Variants in MOXD1 observed in about 807,000 individuals in gnomAD.
The protein encoded by MOXD1 is monooxygenase DBH like 1.
A neutral mutation model predicts 66.6 loss-of-function variants in MOXD1; 62 were observed. That is an observed-to-expected ratio of 0.93 (90% confidence interval 0.76 to 1.15). The LOEUF (loss-of-function observed/expected upper bound fraction) is 1.15, where lower values mean the gene tolerates loss of function less well. Ranked by LOEUF, MOXD1 falls within the 50% of genes most tolerant of loss-of-function variation. The pLI, the probability that MOXD1 is intolerant of heterozygous loss-of-function variation, is 0.00. For synonymous variants in MOXD1, 303 were observed against 281.9 expected (o/e 1.07, Z -0.75); for missense variants, 847 against 754.6 (o/e 1.12, Z -1.44).
Position 132,328,508 on chromosome 6 carries a change from A to T in MOXD1, c.750T>A (p.Val250=). 1.2e-6 allele frequency: 2 copies of T among 1,614,150 alleles called. No individual in the cohort carries two copies. Among genetic ancestry groups the T allele is most frequent in the Non-Finnish European group, 1.7e-6 (2 of 1,180,020 alleles). ...YQCSNNFNDS[V]LESGHECYHP... is the part of the protein sequence containing the mutation. ...GATAGCACTCGTGGCCGGACTCCAGAACGCTGTCGTTAAAGTTGTTGCTGC... is the reference window on the plus strand; with the variant it reads ...GATAGCACTCGTGGCCGGACTCCAGTACGCTGTCGTTAAAGTTGTTGCTGC... The change falls in exon 5 of 12, where the codon GTT becomes GTA. Residue 250 remains valine (V), a synonymous_variant. Coordinates refer to ENST00000367963, the MANE Select transcript of MOXD1 (RefSeq NM_015529.4).
intron 4 of MOXD1, among the ~76,000 whole-genome samples, chr6:132,339,888 G>C (rs1317583936): frequency 1.0e-5 from 1 of 95,382 alleles, no homozygotes; most frequent in Non-Finnish European, 2.0e-5. Context: ...TTTTTTTTCT[G>C]TGATGGAGTC....
intron 4 of MOXD1, among the ~76,000 whole-genome samples, chr6:132,353,181 C>T (rs1182711458): frequency 6.6e-6 from 1 of 152,068 alleles, no homozygotes; most frequent in Non-Finnish European, 1.5e-5. Context: ...ATTCATTGTG[C>T]TATTTGTTGC....
intron 4 of MOXD1, among the ~76,000 whole-genome samples, chr6:132,360,180 A>G (rs566239042): frequency 5.3e-5 from 8 of 152,328 alleles, no homozygotes; most frequent in African/African-American, 1.7e-4. Flanking sequence ...TTTTTAGTCA[A>G]TGAATGCTGT....
intron 1 of MOXD1, among the ~76,000 whole-genome samples, chr6:132,396,820 C>T (rs1776891663): frequency 6.6e-6 from 1 of 152,138 alleles, no homozygotes; most frequent in African/African-American, 2.4e-5. Flanking sequence ...AAGACTGAAT[C>T]AAGAAGAACT....
intron 1 of MOXD1, among the ~76,000 whole-genome samples, chr6:132,397,700 A>G (rs9388992): frequency 3.2e-4 from 47 of 148,608 alleles, no homozygotes; most frequent in Non-Finnish European, 5.1e-4. Context: ...GAAAGAAAGA[A>G]AAAGAAAGAG....
At chr6:132,359,135 T>TTC (rs1554235305) in intron 4 of MOXD1, among the ~76,000 whole-genome samples, 87 of 151,096 alleles carry the variant, frequency 5.8e-4, no homozygotes, top group South Asian at 3.6e-3. Flanking sequence ...TTTTTTTTTT[T>TTC]CTGAGGCAGG....
intron 6 of MOXD1, among the ~76,000 whole-genome samples, 157 bp from the exon 7 acceptor site, chr6:132,324,254 G>A (rs558398073): frequency 2.6e-5 from 4 of 152,098 alleles, no homozygotes; most frequent in Admixed American, 6.6e-5. Flanking sequence ...GATTCAAGCA[G>A]AGATTAGTGG....
At chr6:132,363,877 A>G (rs1776064458) in intron 4 of MOXD1, among the ~76,000 whole-genome samples, 1 of 152,014 alleles carries the variant, frequency 6.6e-6, no homozygotes, top group East Asian at 1.9e-4. Context: ...TTCAACATAA[A>G]TATCTTAGTA....
intron 4 of MOXD1, among the ~76,000 whole-genome samples, chr6:132,347,219 C>A (rs111906799): frequency 6.6e-6 from 1 of 152,076 alleles, no homozygotes; most frequent in Non-Finnish European, 1.5e-5. Context: ...TAGATTTGCA[C>A]CCTGGTCCAA....
intron 1 of MOXD1, among the ~76,000 whole-genome samples, chr6:132,380,969 A>G (rs1277127080): frequency 6.6e-6 from 1 of 152,224 alleles, no homozygotes; most frequent in Non-Finnish European, 1.5e-5. Context: ...AAGGGTTTAT[A>G]CATGCAACAA....
intron 2 of MOXD1, among the ~76,000 whole-genome samples, 199 bp from the exon 3 acceptor site, chr6:132,373,196 T>G (rs1459289217): frequency 2.0e-5 from 3 of 152,204 alleles, no homozygotes; most frequent in South Asian, 2.1e-4. Flanking sequence ...TATGAGTTAC[T>G]TTTTGGAAGG....
At chr6:132,298,211 G>C (rs1774453874) in intron 10 of MOXD1, among the ~76,000 whole-genome samples, 1 of 151,818 alleles carries the variant, frequency 6.6e-6, no homozygotes, top group Non-Finnish European at 1.5e-5. Flanking sequence ...AATAGATATG[G>C]GGTCTTGCTA....
rs146731789 is a variant in MOXD1, at chr6:132,400,820, A to G, written c.264+343T>C. On this transcript the variant is annotated intron_variant, in intron 1 of 11. Transcript: ENST00000367963. ...GCTGTCCCATTAGGTCCCCAAAGCC[A>G]AAGCCTAGGTCCTTCTCCCTTCCCA... Among the ~76,000 whole-genome samples the G allele has an allele frequency of 2.6e-4, 39 of 152,312 alleles. 1 individual carries two copies. The East Asian group carries it at 7.5e-3, about 29-fold the overall frequency.
At position 132,328,062 on chromosome 6, in the gene MOXD1, C is replaced by A. The variant is rs144409218; in HGVS notation, c.897G>T (p.Pro299=). ...VGLSLGTPLD[P]HYVLLEVHYD... ...AATGGACTTCTAGGAGCACATAATG[C>A]GGATCTAATGGAGTGCCAAGGGATA... The change falls in exon 6 of 12, where the codon CCG becomes CCT. Residue 299 remains proline, a synonymous_variant. Coordinates refer to ENST00000367963, the MANE Select transcript of MOXD1 (RefSeq NM_015529.4). 6.8e-5 allele frequency: 110 copies of A among 1,613,766 alleles called. 1 individual carries two copies. The highest frequency in any genetic ancestry group is 1.8e-4 in the South Asian group (16 of 91,042).
At chr6:132,331,198 A>G (rs1207848895) in intron 4 of MOXD1, among the ~76,000 whole-genome samples, 4 of 152,208 alleles carry the variant, frequency 2.6e-5, no homozygotes, top group African/African-American at 9.6e-5. Flanking sequence ...TCGGTCCTCC[A>G]AGGGGGACAG....
At chr6:132,384,322 T>C (rs1418143137) in intron 1 of MOXD1, among the ~76,000 whole-genome samples, 1 of 150,192 alleles carries the variant, frequency 6.7e-6, no homozygotes, top group Non-Finnish European at 1.5e-5. Context: ...CCTTTCATTC[T>C]TCCTTTTTTC....
In MOXD1 at chr6:132,305,073, C is replaced by A. The variant is rs181937392; in HGVS notation, c.1509-7118G>T. ...CTGTTTGAGCTCCTTGGGAGAGGAG[C>A]AGCAGCCAGCACTAGGACTCGCAAC... On this transcript the variant is annotated intron_variant, in intron 10 of 11. Coordinates refer to ENST00000367963, the MANE Select transcript of MOXD1 (RefSeq NM_015529.4). 2.6e-5 allele frequency among the ~76,000 whole-genome samples: 4 copies of A among 152,296 alleles called. No homozygotes were observed. In the East Asian group the frequency reaches 7.7e-4, roughly 29 times the overall value.
chr6:132,349,207 A>G (rs1017846847), intron 4 of MOXD1, among the ~76,000 whole-genome samples: 1 of 147,378 alleles, frequency 6.8e-6, no homozygotes. Context: ...CTTAGCTCCT[A>G]TATATCAGTG....
Position 132,296,850 on chromosome 6 carries a change from T to C in MOXD1, c.*303A>G, listed in dbSNP as rs1586044086. On this transcript the variant is annotated 3_prime_UTR_variant, in exon 12 of 12. Coordinates refer to ENST00000367963, the MANE Select transcript of MOXD1 (RefSeq NM_015529.4). ...CAATGAGTATTTAAATAAAACAGAA[T>C]GTAGTAGGAAAGAAAGAATTCTTTT... is the stretch of plus-strand genomic sequence containing the variant. 9.5e-6 allele frequency: 2 copies of C among 210,116 alleles called. No individual in the cohort carries two copies. The highest frequency in any genetic ancestry group is 1.9e-4 in the East Asian group (2 of 10,402). The allele number at this position is 210,116 out of a possible 1,614,324, so 13.0% of individuals were successfully genotyped here. A position where few individuals can be genotyped will look rare whatever the true frequency, so the allele number is the denominator to read the frequency against.
Sources: gnomAD v4.1 joint callset for allele counts (sites outside exome capture counted in the v4.1 genomes callset) on GRCh38, gnomAD v4.1.1 for gene constraint, MANE v1.5 for transcripts, NCBI Gene and HGNC (gene_info 2026-07-23, HGNC 2026-07-21) for gene names.